CEP250: variants seen among roughly 807,000 people sequenced by gnomAD.
CEP250 encodes centrosome-associated protein CEP250.
Under a neutral mutation model 315.7 loss-of-function variants are expected in CEP250, and 242 were observed. That is an observed-to-expected ratio of 0.77 (90% CI 0.69 to 0.85). The LOEUF (loss-of-function observed/expected upper bound fraction) is 0.85, where lower values mean the gene tolerates loss of function less well. Ranked by LOEUF, CEP250 falls within the 40% of genes least tolerant of loss-of-function variation. CEP250 has a pLI of 0.00. For missense variants in CEP250, 2,515 were observed against 2,886.4 expected (o/e 0.87, Z 2.95); for synonymous variants, 1,088 against 1,175.0 (o/e 0.93, Z 1.51).
chr20:35,466,812 C>G (rs947741343), intron 7 of CEP250, among the ~76,000 whole-genome samples, 154 bp from the exon 8 acceptor site: 1 of 152,146 alleles, frequency 6.6e-6, no homozygotes, highest in Non-Finnish European at 1.5e-5. Flanking sequence ...CTTTATTAAG[C>G]CCTTCACCAT....
chr20:35,467,653 A>T (rs912930898), intron 9 of CEP250, 98 bp downstream of exon 9: 23 of 1,364,754 alleles, frequency 1.7e-5, no homozygotes, highest in Non-Finnish European at 2.2e-5. Context: ...GAACATTCCT[A>T]CCATGGAGGG....
chr20:35,466,268 A>C, intron 7 of CEP250, 64 bp downstream of exon 7: 1 of 1,507,538 alleles, frequency 6.6e-7, no homozygotes, highest in South Asian at 1.2e-5. Flanking sequence ...TGCCCTGGTC[A>C]GTACTGGAAG....
chr20:35,479,156 T>C, intron 17 of CEP250, 75 bp from the exon 18 acceptor site: 1 of 1,423,986 alleles, frequency 7.0e-7, no homozygotes, highest in Non-Finnish European at 9.7e-7. Flanking sequence ...GAAGAGGCAA[T>C]GACCCTAACC....
intron 3 of CEP250, among the ~76,000 whole-genome samples, chr20:35,461,053 G>A (rs564823377): frequency 9.8e-5 from 15 of 152,318 alleles, no homozygotes; most frequent in African/African-American, 3.4e-4. Context: ...ATAGGACGTG[G>A]CATTTGAGCC....
rs978704175 is a variant in CEP250, at chr20:35,479,405, G to A, written c.2269G>A (p.Glu757Lys). 1 of 1,613,900 alleles carries A rather than the reference G, an allele frequency of 6.2e-7. No individual in the cohort carries two copies. Among genetic ancestry groups the A allele is most frequent in the Non-Finnish European group, 8.5e-7 (1 of 1,179,916 alleles). The stretch of plus-strand genomic sequence containing the variant: ...GGAGCGTGACCGGCAGGACCTCGCT[G>A]AACAACTACAGGGGCTCAGGTAGGG... ...AVERDRQDLA[E>K]QLQGLSSAKE... The change falls in exon 18 of 35, where the codon GAA becomes AAA. Residue 757 changes from glutamate (E) to lysine (K), a missense_variant. By Grantham distance (56) the Glu-to-Lys change is moderately conservative. Transcript: ENST00000397527.
At position 35,504,491 on chromosome 20, in the gene CEP250, A is replaced by G; in HGVS notation, c.6122A>G (p.Gln2041Arg). The change falls in exon 30 of 35, where the codon CAG becomes CGG. Residue 2041 changes from glutamine to arginine, a missense_variant. Gln to Arg is a conservative substitution (Grantham distance 43). Coordinates refer to ENST00000397527, the MANE Select transcript of CEP250 (RefSeq NM_007186.6). The stretch of plus-strand genomic sequence containing the variant: ...TACCAGGAGGATGTGCAGCAGCTGC[A>G]GCAGGCACTTGCCCAGAGGGATGAA... The part of the protein sequence containing the change: ...LRYQEDVQQL[Q>R]QALAQRDEEL... 6.2e-7 allele frequency: 1 copy of G among 1,613,862 alleles called. No homozygotes were observed. The highest frequency in any genetic ancestry group is 8.5e-7 in the Non-Finnish European group (1 of 1,179,866).
chr20:35,465,554 C>T (rs915782954), intron 5 of CEP250, among the ~76,000 whole-genome samples, 189 bp from the exon 6 acceptor site: 1 of 152,098 alleles, frequency 6.6e-6, no homozygotes, highest in Non-Finnish European at 1.5e-5. Context: ...TACTGAAGGC[C>T]GTCTTTCAGG....
chr20:35,490,588 T>A, intron 20 of CEP250, 49 bp from the exon 21 acceptor site: 1 of 1,569,786 alleles, frequency 6.4e-7, no homozygotes, highest in Non-Finnish European at 8.6e-7. Context: ...TACCCCTGCC[T>A]CCCCTCCTCA....
At chr20:35,476,242 C>G (rs775692029) in intron 15 of CEP250, 16 of 460,540 alleles carry the variant, frequency 3.5e-5, no homozygotes, top group Non-Finnish European at 5.1e-5. Context: ...AGTCATTTCT[C>G]TATCCTAACT....
At chr20:35,483,096 G>A (rs1289766468) in intron 20 of CEP250, among the ~76,000 whole-genome samples, 3 of 151,666 alleles carry the variant, frequency 2.0e-5, no homozygotes, top group Non-Finnish European at 4.4e-5. Flanking sequence ...TGAGGTGGGC[G>A]GATCACCTGA....
intron 8 of CEP250, 56 bp downstream of exon 8, chr20:35,467,128 A>G (rs982407136): frequency 2.9e-6 from 3 of 1,025,114 alleles, no homozygotes; most frequent in Non-Finnish European, 4.1e-6. Context: ...TGGACTAATA[A>G]CAGTGGGCTG....
intron 1 of CEP250, among the ~76,000 whole-genome samples, chr20:35,457,315 C>T (rs1034219767): frequency 1.3e-5 from 2 of 152,034 alleles, no homozygotes; most frequent in African/African-American, 4.8e-5. Context: ...TAGATAGGGA[C>T]AGAAAAAGCA....
chr20:35,500,286 G>A lies in CEP250; in HGVS notation c.3898+117G>A, dbSNP rs1034789030. 9.5e-5 allele frequency: 119 copies of A among 1,257,250 alleles called. No individual in the cohort carries two copies. The African/African-American group carries it at 1.4e-3, about 15-fold the overall frequency. 77.9% of individuals were successfully genotyped at this position (1,257,250 alleles called of 1,614,324 possible). On this transcript the variant is annotated intron_variant, in intron 28 of 34. Coordinates refer to ENST00000397527, the MANE Select transcript of CEP250 (RefSeq NM_007186.6). ...GTTTATTTTATTTTATTTTTGAGACGACATCTCACTCTGTCACTCAGGTTT... is the reference window on the plus strand; with the variant it reads ...GTTTATTTTATTTTATTTTTGAGACAACATCTCACTCTGTCACTCAGGTTT...
At position 35,498,670 on chromosome 20, in the gene CEP250, C is replaced by T; in HGVS notation, c.3731C>T (p.Ala1244Val). 3 of 1,605,984 alleles carry T rather than the reference C, an allele frequency of 1.9e-6. No individual in the cohort carries two copies. Among genetic ancestry groups the T allele is most frequent in the Non-Finnish European group, 2.5e-6 (3 of 1,177,668 alleles). The part of the protein sequence containing the change: ...TALSAEAVAS[A>V]LHKLHQDLWK... ...CTCTCCGCTGAGGCAGTAGCATCTG[C>T]CCTCCACAAGCTTCATCAAGACCTG... The change falls in exon 27 of 35, where the codon GCC (alanine) becomes GTC (valine). Residue 1244 changes from alanine (A) to valine (V), a missense_variant. Coordinates refer to ENST00000397527, the MANE Select transcript of CEP250 (RefSeq NM_007186.6).
Position 35,512,047 on chromosome 20 carries a change from T to C in CEP250, c.*421T>C, listed in dbSNP as rs1038345180. 6 of 1,022,360 alleles carry C rather than the reference T, an allele frequency of 5.9e-6. No individual in the cohort carries two copies. Among genetic ancestry groups the C allele is most frequent in the Non-Finnish European group, 5.9e-6 (5 of 853,634 alleles). 63.3% of individuals were successfully genotyped at this position (1,022,360 alleles called of 1,614,324 possible). On this transcript the variant is annotated 3_prime_UTR_variant, in exon 35 of 35. Coordinates refer to ENST00000397527, the MANE Select transcript of CEP250 (RefSeq NM_007186.6). ...CAAGGGAGTTTATCTGGGAAGAACT[T>C]GCCAAAGATTCCTGTTGAGGTAGCA...
At chr20:35,469,749 G>GTGTAGATCTCGGTGGTC in intron 9 of CEP250, 141 bp from the exon 10 acceptor site, 1 of 525,890 alleles carries the variant, frequency 1.9e-6, no homozygotes, top group Non-Finnish European at 3.4e-6. Flanking sequence ...GAGTGCAGAC[G>GTGTAGATCTCGGTGGTC]GGCTGGGGGT....
chr20:35,479,375 G>T lies in CEP250; in HGVS notation c.2239G>T (p.Ala747Ser). 2 of 1,614,194 alleles carry T rather than the reference G, an allele frequency of 1.2e-6. No homozygotes were observed. The highest frequency in any genetic ancestry group is 1.7e-6 in the Non-Finnish European group (2 of 1,180,038). ...EKAALEVRLQ[A>S]VERDRQDLAE... is the part of the protein sequence containing the mutation. ...AGCGGCTCTAGAGGTGCGGCTGCAG[G>T]CCGTGGAGCGTGACCGGCAGGACCT... Residue 747 changes from alanine to serine, a missense_variant, in exon 18 of 35, where the codon GCC becomes TCC. Physicochemically the swap from Ala to Ser is moderately conservative, Grantham distance 99. Coordinates refer to ENST00000397527, the MANE Select transcript of CEP250 (RefSeq NM_007186.6).
chr20:35,471,369 TG>T (rs2063020227), intron 10 of CEP250, among the ~76,000 whole-genome samples: 1 of 152,206 alleles, frequency 6.6e-6, no homozygotes, highest in Admixed American at 6.5e-5. Context: ...CATGTAGGAA[TG>T]GGGGCTGGGT....
At chr20:35,509,959 A>G in intron 33 of CEP250, 39 bp from the exon 34 acceptor site, 2 of 1,590,594 alleles carry the variant, frequency 1.3e-6, no homozygotes, top group Non-Finnish European at 1.7e-6. Flanking sequence ...CCAGAGTGGG[A>G]AGGCCTATGC....
Sources: gnomAD v4.1 joint callset for allele counts (sites outside exome capture counted in the v4.1 genomes callset) on GRCh38, gnomAD v4.1.1 for gene constraint, MANE v1.5 for transcripts, NCBI Gene and HGNC (gene_info 2026-07-23, HGNC 2026-07-21) for gene names.